Variants in SPOCK1 observed in about 807,000 individuals in gnomAD.
SPOCK1 encodes the protein testican-1.
A neutral mutation model predicts 55.3 loss-of-function variants in SPOCK1; 23 were observed. The observed-to-expected ratio is 0.42, with a 90% CI of 0.30 to 0.59. The LOEUF is 0.59. Among genes scored for constraint, SPOCK1 ranks in the 20% least tolerant of loss-of-function variants. The pLI is 0.22. For missense variants in SPOCK1, 499 were observed against 552.5 expected, an observed-to-expected ratio of 0.90 and a Z score of 0.97; for synonymous variants, 226 against 221.0, an observed-to-expected ratio of 1.02 and a Z score of -0.20.
chr5:137,159,804 T>TTCTCTG (rs1275681008), intron 3 of SPOCK1, among the ~76,000 whole-genome samples: 1 of 152,182 alleles, frequency 6.6e-6, no homozygotes, highest in Non-Finnish European at 1.5e-5. Context: ...TTAATTCTAG[T>TTCTCTG]TCTCTTTCTC....
intron 2 of SPOCK1, among the ~76,000 whole-genome samples, chr5:137,455,809 G>T (rs1354629362): frequency 6.6e-6 from 1 of 151,950 alleles, no homozygotes; most frequent in Non-Finnish European, 1.5e-5. Flanking sequence ...TGGGAGGATC[G>T]CTTGAGCCCA....
At chr5:137,267,123 C>T (rs1444135440) in intron 2 of SPOCK1, 68 bp from the exon 3 acceptor site, 1 of 1,359,900 alleles carries the variant, frequency 7.4e-7, no homozygotes, top group Admixed American at 1.9e-5. Context: ...TGCATAAAAA[C>T]CTGCCTTCCT....
chr5:137,282,025 G>A (rs927297759), intron 2 of SPOCK1, among the ~76,000 whole-genome samples: 3 of 152,110 alleles, frequency 2.0e-5, no homozygotes, highest in African/African-American at 7.2e-5. Flanking sequence ...AACCTTCCTA[G>A]GCTTCAGTTT....
intron 2 of SPOCK1, among the ~76,000 whole-genome samples, chr5:137,314,345 G>A (rs893245663): frequency 1.3e-5 from 2 of 152,044 alleles, no homozygotes; most frequent in Non-Finnish European, 1.5e-5. Context: ...CCTCACAAAC[G>A]CTACCATCTC....
At chr5:137,465,039 T>C (rs2149838352) in intron 2 of SPOCK1, among the ~76,000 whole-genome samples, 1 of 152,134 alleles carries the variant, frequency 6.6e-6, no homozygotes, top group South Asian at 2.1e-4. Context: ...AGAACAACGC[T>C]ATAGAAGCCA....
In SPOCK1 at chr5:136,978,557, G is replaced by C. The variant is rs1750661176; in HGVS notation, c.*97C>G. 1 of 1,350,608 alleles carries C rather than the reference G, an allele frequency of 7.4e-7. No homozygotes were observed. Among genetic ancestry groups the C allele is most frequent in the African/African-American group, 1.5e-5 (1 of 68,256 alleles). The allele number at this position is 1,350,608 out of a possible 1,614,324, so 83.7% of individuals were successfully genotyped here. A position where few individuals can be genotyped will look rare whatever the true frequency, so the allele number is the denominator to read the frequency against. ...GTCGGGTATAGAGAGCAACAATGGA[G>C]AAGAGACCTTGGTGCCTTGGAGTCT... On this transcript the variant is annotated 3_prime_UTR_variant, in exon 11 of 11. Coordinates refer to ENST00000394945, the MANE Select transcript of SPOCK1 (RefSeq NM_004598.4).
At chr5:137,467,084 G>C (rs894567896) in intron 2 of SPOCK1, among the ~76,000 whole-genome samples, 2 of 152,252 alleles carry the variant, frequency 1.3e-5, no homozygotes, top group Non-Finnish European at 2.9e-5. Flanking sequence ...TTGGTTCCTT[G>C]CCACATGGCC....
intron 8 of SPOCK1, among the ~76,000 whole-genome samples, 183 bp from the exon 9 acceptor site, chr5:136,985,385 C>CATACCACAATGCACTTAAAATAGT (rs1436602209): frequency 6.6e-6 from 1 of 152,202 alleles, no homozygotes; most frequent in Non-Finnish European, 1.5e-5. Flanking sequence ...AAACAAACCT[C>CATACCACAATGCACTTAAAATAGT]ATACCACAAT....
intron 2 of SPOCK1, among the ~76,000 whole-genome samples, chr5:137,402,163 T>C (rs554773414): frequency 2.0e-5 from 3 of 152,150 alleles, no homozygotes; most frequent in Non-Finnish European, 4.4e-5. Flanking sequence ...ACCTGTCGTG[T>C]CTTGAAGAAA....
At chr5:137,419,060 C>G (rs1279291047) in intron 2 of SPOCK1, among the ~76,000 whole-genome samples, 4 of 152,190 alleles carry the variant, frequency 2.6e-5, no homozygotes, top group Non-Finnish European at 4.4e-5. Context: ...AATAGGGAAT[C>G]CTTTCCCCAT....
Position 137,067,809 on chromosome 5 carries a change from A to G in SPOCK1, c.495T>C (p.Ala165=). The G allele has an allele frequency of 6.2e-7, 1 of 1,614,172 alleles. No individual in the cohort carries two copies. Among genetic ancestry groups the G allele is most frequent in the East Asian group, 2.2e-5 (1 of 44,874 alleles). Residue 165 remains alanine, a synonymous_variant, in exon 6 of 11, where the codon GCT becomes GCC. Transcript: ENST00000394945. ...TGGCGAGGCTTTTGCCAGTAGAACA[A>G]GCATGGAACTCCAATTTGCACTGCA... ...YTSKCKLEFH[A]CSTGKSLATL... is the part of the protein sequence containing the mutation.
chr5:137,158,614 G>T (rs1754466794), intron 3 of SPOCK1, among the ~76,000 whole-genome samples: 1 of 152,104 alleles, frequency 6.6e-6, no homozygotes, highest in Non-Finnish European at 1.5e-5. Context: ...ACAGAAAGCT[G>T]CTCCCTGGAG....
At chr5:137,153,185 A>C (rs1391313917) in intron 3 of SPOCK1, among the ~76,000 whole-genome samples, 1 of 152,204 alleles carries the variant, frequency 6.6e-6, no homozygotes, top group Non-Finnish European at 1.5e-5. Context: ...TCTGAATCCC[A>C]AGTCCCCTGA....
At chr5:137,300,152 T>G (rs944562765) in intron 2 of SPOCK1, among the ~76,000 whole-genome samples, 1 of 152,194 alleles carries the variant, frequency 6.6e-6, no homozygotes, top group Non-Finnish European at 1.5e-5. Flanking sequence ...ATTCAGTGAC[T>G]TTTTCTTCTG....
At chr5:137,194,769 T>C (rs1755264297) in intron 3 of SPOCK1, among the ~76,000 whole-genome samples, 1 of 152,054 alleles carries the variant, frequency 6.6e-6, no homozygotes, top group Non-Finnish European at 1.5e-5. Context: ...GTGAGCACTC[T>C]CCTCTCCAGG....
chr5:137,163,173 T>C (rs1214917646), intron 3 of SPOCK1, among the ~76,000 whole-genome samples: 1 of 152,174 alleles, frequency 6.6e-6, no homozygotes, highest in Non-Finnish European at 1.5e-5. Context: ...AGCCAGTAAA[T>C]TTATTCAACA....
rs181334539 is a variant in SPOCK1 at position 137,388,023 on chromosome 5, T to C, written c.186+110350A>G. Reference sequence around the variant, plus strand: ...GACAGTGCTGAGAATAGAATCCAGGTTTCCCATTCCCATAAAAGCTATTGA... The same window carrying C: ...GACAGTGCTGAGAATAGAATCCAGGCTTCCCATTCCCATAAAAGCTATTGA... On this transcript the variant is annotated intron_variant, in intron 2 of 10. Coordinates refer to ENST00000394945, the MANE Select transcript of SPOCK1 (RefSeq NM_004598.4). Among the ~76,000 whole-genome samples the C allele has an allele frequency of 2.1e-4, 32 of 152,240 alleles. No homozygotes were observed. The East Asian group carries it at 6.2e-3, about 29-fold the overall frequency.
At chr5:137,131,989 A>AATATATATATAT (rs869252723) in intron 4 of SPOCK1, among the ~76,000 whole-genome samples, 2 of 36,054 alleles carry the variant, frequency 5.5e-5, no homozygotes, top group East Asian at 7.5e-4. Flanking sequence ...AAAAAAAAAA[A>AATATATATATAT]ATATATATAT....
At chr5:137,339,298 T>G (rs901066733) in intron 2 of SPOCK1, among the ~76,000 whole-genome samples, 1 of 152,248 alleles carries the variant, frequency 6.6e-6, no homozygotes. Flanking sequence ...AGTCAACTAA[T>G]GCACTGCATT....
Sources: allele counts gnomAD v4.1 joint callset (sites outside exome capture counted in the v4.1 genomes callset), GRCh38; gene constraint gnomAD v4.1.1; transcripts MANE v1.5; gene names NCBI Gene and HGNC (gene_info 2026-07-23, HGNC 2026-07-21).